Variants in DORIP1 observed in about 807,000 individuals in gnomAD.
DORIP1 encodes dopamine receptor interacting protein 1, also known as dopamine receptor-interacting protein 1.
At chr14:44,901,326 T>TC in the DORIP1 span, among the ~76,000 whole-genome samples, 7 of 152,334 alleles carry the variant, frequency 4.6e-5, no homozygotes, top group East Asian at 7.7e-4. Context: ...TCAGAATGTG[T>TC]CCCCATTGGA....
the DORIP1 span, among the ~76,000 whole-genome samples, chr14:44,897,837 T>C: frequency 6.6e-6 from 1 of 152,328 alleles, no homozygotes; most frequent in South Asian, 2.1e-4. Context: ...AGCGTCCGCC[T>C]TGTCCCTGTC....
the DORIP1 span, chr14:44,898,967 A>G: frequency 6.6e-6 from 1 of 152,220 alleles, no homozygotes; most frequent in Non-Finnish European, 1.5e-5. Context: ...AGGATGCAGC[A>G]CTTGGAAAAG....
the DORIP1 span, among the ~76,000 whole-genome samples, chr14:44,898,173 G>A: frequency 2.0e-5 from 3 of 152,160 alleles, no homozygotes; most frequent in South Asian, 2.1e-4. Flanking sequence ...TAGCTAAACA[G>A]CTAAGACAAT....
At chr14:44,904,747 G>A in the DORIP1 span, 1 of 406,260 alleles carries the variant, frequency 2.5e-6, no homozygotes, top group African/African-American at 2.1e-5. Flanking sequence ...GACAGAATTG[G>A]GTTCAAATCC....
At chr14:44,905,607 G>A in the DORIP1 span, 84 of 1,265,232 alleles carry the variant, frequency 6.6e-5, no homozygotes, top group Non-Finnish European at 4.5e-5. Context: ...CCAGATGAAG[G>A]GCTTTTATTT....
At chr14:44,900,940 C>G in the DORIP1 span, 1 of 1,586,828 alleles carries the variant, frequency 6.3e-7, no homozygotes, top group South Asian at 1.2e-5. Context: ...GGAGGATCAG[C>G]AGCGCACAAT....
the DORIP1 span, chr14:44,903,507 C>G: frequency 0.03 from 34,363 of 1,154,328 alleles, 586 homozygotes; most frequent in Middle Eastern, 0.047. Context: ...TTTTTTCCCC[C>G]CCCACTGCTG....
chr14:44,899,546 T>C, the DORIP1 span, among the ~76,000 whole-genome samples: 2 of 152,056 alleles, frequency 1.3e-5, no homozygotes, highest in South Asian at 4.1e-4. Flanking sequence ...ATGTCAGAAT[T>C]AGTCTTAGTC....
chr14:44,898,388 G>C, the DORIP1 span, among the ~76,000 whole-genome samples: 2 of 152,132 alleles, frequency 1.3e-5, no homozygotes, highest in African/African-American at 4.8e-5. Context: ...CTCTTAGAGT[G>C]TAAGGGTAGT....
At chr14:44,901,926 G>A in the DORIP1 span, among the ~76,000 whole-genome samples, 4 of 152,144 alleles carry the variant, frequency 2.6e-5, no homozygotes, top group African/African-American at 7.2e-5. Flanking sequence ...GTTGGGAAAC[G>A]TTAAAGCCTC....
At chr14:44,901,157 C>T in the DORIP1 span, among the ~76,000 whole-genome samples, 10 of 152,106 alleles carry the variant, frequency 6.6e-5, no homozygotes, top group Non-Finnish European at 1.0e-4. Flanking sequence ...TTAAAATTGC[C>T]TACAGAATTA....
chr14:44,903,393 AC>A, the DORIP1 span: 1 of 1,490,480 alleles, frequency 6.7e-7, no homozygotes, highest in Non-Finnish European at 9.1e-7. Context: ...AATCTTATTA[AC>A]CTAGTTTACT....
At chr14:44,898,460 C>T in the DORIP1 span, among the ~76,000 whole-genome samples, 1 of 152,150 alleles carries the variant, frequency 6.6e-6, no homozygotes, top group African/African-American at 2.4e-5. Flanking sequence ...ATTTATGCTT[C>T]CTTCCCAATG....
the DORIP1 span, chr14:44,904,311 TTAAAGTCA>T: frequency 6.6e-7 from 1 of 1,505,610 alleles, no homozygotes; most frequent in Non-Finnish European, 8.8e-7. Flanking sequence ...TATAAGAAAA[TTAAAGTCA>T]TAAAGACAAC....
At chr14:44,904,809 A>T in the DORIP1 span, 1 of 264,924 alleles carries the variant, frequency 3.8e-6, no homozygotes, top group South Asian at 1.1e-4. Context: ...ACCAGTTTAC[A>T]TGTCAGTTTT....
chr14:44,900,325 C>T, the DORIP1 span: 2 of 1,068,370 alleles, frequency 1.9e-6, no homozygotes, highest in Non-Finnish European at 1.2e-6. Flanking sequence ...GGCCTAATAA[C>T]CACATTTGAT....
At chr14:44,906,506 G>A in the DORIP1 span, 2 of 152,446 alleles carry the variant, frequency 1.3e-5, no homozygotes, top group African/African-American at 4.8e-5. Context: ...TGGCTTCCTT[G>A]TAAGTAGTGA....
At chr14:44,899,600 CAACA>C in the DORIP1 span, among the ~76,000 whole-genome samples, 1 of 151,630 alleles carries the variant, frequency 6.6e-6, no homozygotes, top group East Asian at 1.9e-4. Context: ...TTTTTCTCTA[CAACA>C]AATAAAATAT....
chr14:44,902,253 C>T, the DORIP1 span, among the ~76,000 whole-genome samples: 2 of 152,156 alleles, frequency 1.3e-5, no homozygotes, highest in Non-Finnish European at 2.9e-5. Context: ...ATCCTCCTGC[C>T]TCATGGCTCA....
Sources: allele counts gnomAD v4.1 joint callset (sites outside exome capture counted in the v4.1 genomes callset), GRCh38; gene constraint gnomAD v4.1.1; transcripts MANE v1.5; gene names NCBI Gene and HGNC (gene_info 2026-07-23, HGNC 2026-07-21).